The following H3C1 variants were observed in gnomAD, a reference collection of about 807,000 sequenced individuals.
H3C1 encodes the protein histone H3.1.
A neutral mutation model predicts 7.3 loss-of-function variants in H3C1; 14 were observed. The observed-to-expected ratio is 1.90, with a 90% CI of 1.26 to 2.98. The LOEUF (loss-of-function observed/expected upper bound fraction) is 2.98, where lower values mean the gene tolerates loss of function less well. Ranked by LOEUF, H3C1 falls within the 30% of genes most tolerant of loss-of-function variation. The pLI is 0.00. For synonymous variants in H3C1, 181 were observed against 76.0 expected (o/e 2.38, Z -7.18); for missense variants, 326 against 192.2 (o/e 1.70, Z -4.12).
chr6:26,020,628 G>T lies in H3C1; in HGVS notation c.139G>T (p.Val47Leu). Reference protein sequence around the residue: ...KKPHRYRPGTVALREIRRYQK... With the variant: ...KKPHRYRPGTLALREIRRYQK... The stretch of plus-strand genomic sequence containing the variant: ...GCCCCACCGCTACCGGCCGGGCACC[G>T]TGGCTCTGCGCGAGATCCGCCGTTA... The change falls in exon 1 of 1, where the codon GTG (valine) becomes TTG (leucine). Residue 47 changes from valine (V) to leucine (L), a missense_variant. Physicochemically the swap from Val to Leu is conservative, Grantham distance 32. Coordinates refer to ENST00000613854, the MANE Select transcript of H3C1 (RefSeq NM_003529.3). The T allele has an allele frequency of 6.2e-7, 1 of 1,614,222 alleles. No homozygotes were observed. The highest frequency in any genetic ancestry group is 2.2e-5 in the East Asian group (1 of 44,888).
chr6:26,020,740 G>A lies in H3C1; in HGVS notation c.251G>A (p.Arg84His). ...EIAQDFKTDL[R>H]FQSSAVMALQ... ...GCGCAGGACTTTAAAACAGACCTGC[G>A]TTTCCAGAGCTCCGCTGTGATGGCT... Residue 84 changes from arginine (R) to histidine (H), a missense_variant, in exon 1 of 1, where the codon CGT (arginine) becomes CAT (histidine). Coordinates refer to ENST00000613854, the MANE Select transcript of H3C1 (RefSeq NM_003529.3). 4.3e-6 allele frequency: 7 copies of A among 1,614,260 alleles called. No individual in the cohort carries two copies. The highest frequency in any genetic ancestry group is 5.9e-6 in the Non-Finnish European group (7 of 1,180,046).
In H3C1 at chr6:26,020,657, G is replaced by A; in HGVS notation, c.168G>A (p.Gln56=). 1 of 1,614,258 alleles carries A rather than the reference G, an allele frequency of 6.2e-7. No individual in the cohort carries two copies. The highest frequency in any genetic ancestry group is 1.3e-5 in the African/African-American group (1 of 75,068). ...CTCTGCGCGAGATCCGCCGTTATCA[G>A]AAGTCCACTGAACTGCTTATTCGTA... is the stretch of plus-strand genomic sequence containing the variant. The part of the protein sequence containing the change: ...TVALREIRRY[Q]KSTELLIRKL... The change falls in exon 1 of 1, where the codon CAG becomes CAA. Residue 56 remains glutamine (Q), a synonymous_variant. Transcript: ENST00000613854.
At position 26,020,619 on chromosome 6, in the gene H3C1, C is replaced by T. The variant is rs138723860; in HGVS notation, c.130C>T (p.Pro44Ser). The change falls in exon 1 of 1, where the codon CCG (proline) becomes TCG (serine). Residue 44 changes from proline (P) to serine (S), a missense_variant. Transcript: ENST00000613854. ...CGTGAAAAAGCCCCACCGCTACCGGCCGGGCACCGTGGCTCTGCGCGAGAT... is the reference window on the plus strand; with the variant it reads ...CGTGAAAAAGCCCCACCGCTACCGGTCGGGCACCGTGGCTCTGCGCGAGAT... ...GGVKKPHRYR[P>S]GTVALREIRR... 3.7e-6 allele frequency: 6 copies of T among 1,614,086 alleles called. No individual in the cohort carries two copies. Among genetic ancestry groups the T allele is most frequent in the African/African-American group, 1.3e-5 (1 of 74,944 alleles).
In H3C1 at chr6:26,020,736, C is replaced by G; in HGVS notation, c.247C>G (p.Leu83Val). 3 of 1,614,264 alleles carry G rather than the reference C, an allele frequency of 1.9e-6. No individual in the cohort carries two copies. The highest frequency in any genetic ancestry group is 2.5e-6 in the Non-Finnish European group (3 of 1,180,050). ...GATTGCGCAGGACTTTAAAACAGACCTGCGTTTCCAGAGCTCCGCTGTGAT... is the reference window on the plus strand; with the variant it reads ...GATTGCGCAGGACTTTAAAACAGACGTGCGTTTCCAGAGCTCCGCTGTGAT... Reference protein sequence around the residue: ...REIAQDFKTDLRFQSSAVMAL... With the variant: ...REIAQDFKTDVRFQSSAVMAL... Residue 83 changes from leucine (L) to valine (V), a missense_variant, in exon 1 of 1, where the codon CTG becomes GTG. Transcript: ENST00000613854.
chr6:26,020,916 T>C lies in H3C1; in HGVS notation c.*16T>C, dbSNP rs774283070. Reference sequence around the variant, plus strand: ...GAGGGCGTGATTACTGTGGTCTCTCTGACGGTCCAAGCAAAGGCTCTTTTC... The same window carrying C: ...GAGGGCGTGATTACTGTGGTCTCTCCGACGGTCCAAGCAAAGGCTCTTTTC... On this transcript the variant is annotated 3_prime_UTR_variant, in exon 1 of 1. Transcript: ENST00000613854. 15 of 1,612,994 alleles carry C rather than the reference T, an allele frequency of 9.3e-6. No individual in the cohort carries two copies. The highest frequency in any genetic ancestry group is 1.3e-5 in the African/African-American group (1 of 74,886).
rs779884898 is a variant in H3C1 at position 26,020,451 on chromosome 6, G to C, written c.-39G>C. ...AATAGAGCAGCTCATGGGCGTATTTGCGCTAGTGTTGGGTGTTCCGCTGTG... is the reference window on the plus strand; with the variant it reads ...AATAGAGCAGCTCATGGGCGTATTTCCGCTAGTGTTGGGTGTTCCGCTGTG... On this transcript the variant is annotated 5_prime_UTR_variant, in exon 1 of 1. Transcript: ENST00000613854. 1 of 1,607,152 alleles carries C rather than the reference G, an allele frequency of 6.2e-7. No homozygotes were observed. The highest frequency in any genetic ancestry group is 8.5e-7 in the Non-Finnish European group (1 of 1,176,954).
In H3C1 at chr6:26,020,785, C is replaced by G. The variant is rs748134309; in HGVS notation, c.296C>G (p.Ala99Gly). 1.2e-6 allele frequency: 2 copies of G among 1,614,108 alleles called. No homozygotes were observed. Residue 99 changes from alanine to glycine, a missense_variant, in exon 1 of 1, where the codon GCC (alanine) becomes GGC (glycine). Physicochemically the swap from Ala to Gly is moderately conservative, Grantham distance 60 (BLOSUM62 0). Coordinates refer to ENST00000613854, the MANE Select transcript of H3C1 (RefSeq NM_003529.3). The stretch of plus-strand genomic sequence containing the variant: ...ATGGCTCTGCAGGAGGCGTGCGAGG[C>G]CTACTTGGTAGGGCTATTTGAGGAC... ...AVMALQEACE[A>G]YLVGLFEDTN...
In H3C1 at chr6:26,020,456, AGTGTTGG is replaced by A; in HGVS notation, c.-28_-22del. 6.2e-7 allele frequency: 1 copy of A among 1,610,242 alleles called. No individual in the cohort carries two copies. On this transcript the variant is annotated 5_prime_UTR_variant, in exon 1 of 1. Transcript: ENST00000613854. Reference sequence around the variant, plus strand: ...AGCAGCTCATGGGCGTATTTGCGCTAGTGTTGGGTGTTCCGCTGTGCTGTTTTTCCGT... The same window carrying A: ...AGCAGCTCATGGGCGTATTTGCGCTAGTGTTCCGCTGTGCTGTTTTTCCGT...
At position 26,020,512 on chromosome 6, in the gene H3C1, C is replaced by T; in HGVS notation, c.23C>T (p.Ala8Val). Residue 8 changes from alanine (A) to valine (V), a missense_variant, in exon 1 of 1, where the codon GCT (alanine) becomes GTT (valine). Physicochemically the swap from Ala to Val is moderately conservative, Grantham distance 64. Transcript: ENST00000613854. MARTKQT[A>V]RKSTGGKAPR... ...GTCATGGCTCGCACTAAGCAAACTG[C>T]TCGGAAGTCTACTGGTGGCAAGGCG... 1.2e-6 allele frequency: 2 copies of T among 1,614,104 alleles called. No individual in the cohort carries two copies. Among genetic ancestry groups the T allele is most frequent in the Non-Finnish European group, 1.7e-6 (2 of 1,180,028 alleles).
rs765309067 is a variant in H3C1, at chr6:26,020,498, C to T, written c.9C>T (p.Arg3=). 2.9e-5 allele frequency: 47 copies of T among 1,613,870 alleles called. 2 individuals are homozygous for T. The highest frequency in any genetic ancestry group is 1.8e-4 in the Admixed American group (11 of 59,972). The part of the protein sequence containing the change: MA[R]TKQTARKSTG... Reference sequence around the variant, plus strand: ...TGTGCTGTTTTTCCGTCATGGCTCGCACTAAGCAAACTGCTCGGAAGTCTA... The same window carrying T: ...TGTGCTGTTTTTCCGTCATGGCTCGTACTAAGCAAACTGCTCGGAAGTCTA... The change falls in exon 1 of 1, where the codon CGC becomes CGT. Residue 3 remains arginine, a synonymous_variant. Transcript: ENST00000613854.
In H3C1 at chr6:26,020,583, G is replaced by C. The variant is rs1362363987; in HGVS notation, c.94G>C (p.Ala32Pro). 2 of 1,614,090 alleles carry C rather than the reference G, an allele frequency of 1.2e-6. No individual in the cohort carries two copies. The highest frequency in any genetic ancestry group is 2.7e-5 in the African/African-American group (2 of 74,938). The part of the protein sequence containing the change: ...ATKAARKSAP[A>P]TGGVKKPHRY... ...TAAGGCAGCCCGCAAAAGCGCTCCG[G>C]CCACCGGCGGCGTGAAAAAGCCCCA... Residue 32 changes from alanine (A) to proline (P), a missense_variant, in exon 1 of 1, where the codon GCC becomes CCC. Transcript: ENST00000613854.
chr6:26,020,456 A>C lies in H3C1; in HGVS notation c.-34A>C, dbSNP rs368261112. On this transcript the variant is annotated 5_prime_UTR_variant, in exon 1 of 1. Transcript: ENST00000613854. ...AGCAGCTCATGGGCGTATTTGCGCT[A>C]GTGTTGGGTGTTCCGCTGTGCTGTT... The C allele has an allele frequency of 1.9e-6, 3 of 1,610,124 alleles. No individual in the cohort carries two copies. The highest frequency in any genetic ancestry group is 1.6e-4 in the Middle Eastern group (1 of 6,064).
rs1254839680 is a variant in H3C1 at position 26,020,820 on chromosome 6, T to C, written c.331T>C (p.Cys111Arg). Reference sequence around the variant, plus strand: ...AGGGCTATTTGAGGACACTAACCTGTGCGCCATCCACGCCAAGCGCGTCAC... The same window carrying C: ...AGGGCTATTTGAGGACACTAACCTGCGCGCCATCCACGCCAAGCGCGTCAC... ...LVGLFEDTNL[C>R]AIHAKRVTIM... The change falls in exon 1 of 1, where the codon TGC becomes CGC. Residue 111 changes from cysteine (C) to arginine (R), a missense_variant. Coordinates refer to ENST00000613854, the MANE Select transcript of H3C1 (RefSeq NM_003529.3). 1.2e-6 allele frequency: 2 copies of C among 1,614,230 alleles called. No individual in the cohort carries two copies. Among genetic ancestry groups the C allele is most frequent in the Non-Finnish European group, 1.7e-6 (2 of 1,180,042 alleles).
rs771277151 is a variant in H3C1, at chr6:26,020,792, G to C, written c.303G>C (p.Leu101Phe). Reference sequence around the variant, plus strand: ...TGCAGGAGGCGTGCGAGGCCTACTTGGTAGGGCTATTTGAGGACACTAACC... The same window carrying C: ...TGCAGGAGGCGTGCGAGGCCTACTTCGTAGGGCTATTTGAGGACACTAACC... ...MALQEACEAY[L>F]VGLFEDTNLC... The change falls in exon 1 of 1, where the codon TTG becomes TTC. Residue 101 changes from leucine (L) to phenylalanine (F), a missense_variant. Transcript: ENST00000613854. The C allele has an allele frequency of 5.0e-6, 8 of 1,614,116 alleles. No homozygotes were observed. Among genetic ancestry groups the C allele is most frequent in the African/African-American group, 2.7e-5 (2 of 74,934 alleles).
rs780000708 is a variant in H3C1, at chr6:26,020,762, G to T, written c.273G>T (p.Met91Ile). The T allele has an allele frequency of 2.5e-6, 4 of 1,614,156 alleles. No homozygotes were observed. In the African/African-American group the frequency reaches 4.0e-5, roughly 16 times the overall value. Residue 91 changes from methionine to isoleucine, a missense_variant, in exon 1 of 1, where the codon ATG becomes ATT. Met to Ile is a conservative substitution (Grantham distance 10, BLOSUM62 1). Transcript: ENST00000613854. ...TDLRFQSSAV[M>I]ALQEACEAYL... ...TGCGTTTCCAGAGCTCCGCTGTGAT[G>T]GCTCTGCAGGAGGCGTGCGAGGCCT...
In H3C1 at chr6:26,020,528, T is replaced by C; in HGVS notation, c.39T>C (p.Gly13=). Reference sequence around the variant, plus strand: ...AGCAAACTGCTCGGAAGTCTACTGGTGGCAAGGCGCCACGCAAACAGTTGG... The same window carrying C: ...AGCAAACTGCTCGGAAGTCTACTGGCGGCAAGGCGCCACGCAAACAGTTGG... ...RTKQTARKST[G]GKAPRKQLAT... The change falls in exon 1 of 1, where the codon GGT becomes GGC. Residue 13 remains glycine (G), a synonymous_variant. Transcript: ENST00000613854. 6.2e-7 allele frequency: 1 copy of C among 1,614,116 alleles called. No homozygotes were observed. The highest frequency in any genetic ancestry group is 8.5e-7 in the Non-Finnish European group (1 of 1,180,016).
rs1761237095 is a variant in H3C1, at chr6:26,020,945, G to GC, written c.*47dup. 1 of 1,586,526 alleles carries GC rather than the reference G, an allele frequency of 6.3e-7. No homozygotes were observed. On this transcript the variant is annotated 3_prime_UTR_variant, in exon 1 of 1. Coordinates refer to ENST00000613854, the MANE Select transcript of H3C1 (RefSeq NM_003529.3). ...GGTCCAAGCAAAGGCTCTTTTCAGA[G>GC]CCACCACCTTTTCAAGTAAAGTAGC...
At position 26,020,802 on chromosome 6, in the gene H3C1, T is replaced by C. The variant is rs907389807; in HGVS notation, c.313T>C (p.Phe105Leu). Residue 105 changes from phenylalanine (F) to leucine (L), a missense_variant, in exon 1 of 1, where the codon TTT (phenylalanine) becomes CTT (leucine). By Grantham distance (22) the Phe-to-Leu change is conservative. Coordinates refer to ENST00000613854, the MANE Select transcript of H3C1 (RefSeq NM_003529.3). ...GTGCGAGGCCTACTTGGTAGGGCTA[T>C]TTGAGGACACTAACCTGTGCGCCAT... is the stretch of plus-strand genomic sequence containing the variant. Reference protein sequence around the residue: ...EACEAYLVGLFEDTNLCAIHA... With the variant: ...EACEAYLVGLLEDTNLCAIHA... 2 of 1,614,132 alleles carry C rather than the reference T, an allele frequency of 1.2e-6. No homozygotes were observed. The highest frequency in any genetic ancestry group is 1.3e-5 in the African/African-American group (1 of 74,944).
At position 26,020,471 on chromosome 6, in the gene H3C1, G is replaced by T. The variant is rs377745785; in HGVS notation, c.-19G>T. On this transcript the variant is annotated 5_prime_UTR_variant, in exon 1 of 1. Coordinates refer to ENST00000613854, the MANE Select transcript of H3C1 (RefSeq NM_003529.3). ...TATTTGCGCTAGTGTTGGGTGTTCC[G>T]CTGTGCTGTTTTTCCGTCATGGCTC... The T allele has an allele frequency of 4.4e-5, 71 of 1,612,916 alleles. No individual in the cohort carries two copies. The highest frequency in any genetic ancestry group is 3.3e-4 in the Middle Eastern group (2 of 6,074).
Sources: allele counts gnomAD v4.1 joint callset, GRCh38; gene constraint gnomAD v4.1.1; transcripts MANE v1.5; gene names NCBI Gene and HGNC (gene_info 2026-07-23, HGNC 2026-07-21).